The following ZNF385B variants were observed in gnomAD, a reference collection of about 807,000 sequenced individuals.
The protein encoded by ZNF385B is zinc finger protein 533.
In ZNF385B, 23 loss-of-function variants were observed where a neutral mutation model predicts 39.2. The observed-to-expected ratio is 0.59, with a 90% CI of 0.42 to 0.83. The LOEUF (loss-of-function observed/expected upper bound fraction) is 0.83. ZNF385B is among the 40% of genes least tolerant of loss of function. The pLI, the probability that ZNF385B is intolerant of heterozygous loss-of-function variation, is 0.00. For synonymous variants in ZNF385B, 205 were observed against 222.6 expected, an observed-to-expected ratio of 0.92 and a Z score of 0.70; for missense variants, 552 against 598.9, an observed-to-expected ratio of 0.92 and a Z score of 0.82.
intron 3 of ZNF385B, among the ~76,000 whole-genome samples, chr2:179,602,604 T>C (rs1286760588): frequency 3.3e-5 from 5 of 152,228 alleles, no homozygotes; most frequent in Non-Finnish European, 5.9e-5. Context: ...GGTTTGTTTT[T>C]CTATTAGCTC....
At chr2:179,621,098 G>A (rs913053592) in intron 3 of ZNF385B, among the ~76,000 whole-genome samples, 1 of 151,820 alleles carries the variant, frequency 6.6e-6, no homozygotes, top group Non-Finnish European at 1.5e-5. Flanking sequence ...AATATATCAG[G>A]GTCTACACTG....
chr2:179,473,781 G>A (rs1413868502), intron 6 of ZNF385B, among the ~76,000 whole-genome samples: 2 of 152,072 alleles, frequency 1.3e-5, no homozygotes, highest in African/African-American at 2.4e-5. Flanking sequence ...TGCGGTGTTT[G>A]GTTTTCTGTT....
intron 1 of ZNF385B, among the ~76,000 whole-genome samples, chr2:179,836,203 T>G (rs1002643351): frequency 6.6e-6 from 1 of 152,178 alleles, no homozygotes; most frequent in African/African-American, 2.4e-5. Context: ...AGTGAGAAAT[T>G]ATCATGTTTA....
chr2:179,634,599 TTGG>T (rs1691559922), intron 3 of ZNF385B, among the ~76,000 whole-genome samples: 2 of 152,300 alleles, frequency 1.3e-5, no homozygotes, highest in Admixed American at 1.3e-4. Flanking sequence ...TTTTACACTG[TTGG>T]TGGGAGTGTA....
intron 6 of ZNF385B, among the ~76,000 whole-genome samples, chr2:179,448,954 A>C (rs2049796947): frequency 6.6e-6 from 1 of 152,180 alleles, no homozygotes; most frequent in Non-Finnish European, 1.5e-5. Context: ...GGTTATATTG[A>C]GAACATGTAT....
At chr2:179,475,314 G>A (rs1233447589) in intron 6 of ZNF385B, among the ~76,000 whole-genome samples, 5 of 149,480 alleles carry the variant, frequency 3.3e-5, no homozygotes, top group Non-Finnish European at 5.9e-5. Context: ...GCAGTGGTGC[G>A]AACTCGGCTC....
chr2:179,816,255 T>C (rs1453670631), intron 1 of ZNF385B, among the ~76,000 whole-genome samples: 3 of 152,190 alleles, frequency 2.0e-5, no homozygotes, highest in Non-Finnish European at 4.4e-5. Flanking sequence ...GCAAATTCTA[T>C]TTACCCTGTT....
At chr2:179,765,938 G>A (rs1349929687) in intron 3 of ZNF385B, among the ~76,000 whole-genome samples, 2 of 151,742 alleles carry the variant, frequency 1.3e-5, no homozygotes, top group East Asian at 3.9e-4. Flanking sequence ...ACCGCCCAGA[G>A]TATTCATAAA....
Position 179,670,357 on chromosome 2 carries a change from ATGACATTAT to A in ZNF385B, c.298+99137_298+99145del, listed in dbSNP as rs1321034780. Among the ~76,000 whole-genome samples the A allele has an allele frequency of 7.2e-5, 11 of 152,142 alleles. No individual in the cohort carries two copies. In the South Asian group the frequency reaches 1.5e-3, roughly 20 times the overall value. On this transcript the variant is annotated intron_variant, in intron 3 of 9. Coordinates refer to ENST00000410066, the MANE Select transcript of ZNF385B (RefSeq NM_152520.6). ...CCATTGCCAATTGACAGCTAACAGC[ATGACATTAT>A]TGAGTGTGGAATTGGGAGGAGATGT...
intron 3 of ZNF385B, among the ~76,000 whole-genome samples, chr2:179,762,123 T>C (rs1169890744): frequency 1.3e-5 from 2 of 152,172 alleles, no homozygotes; most frequent in African/African-American, 2.4e-5. Context: ...CAAATGTTTT[T>C]ACTGCATTAA....
At chr2:179,546,336 C>A (rs1324758664) in intron 3 of ZNF385B, among the ~76,000 whole-genome samples, 1 of 152,166 alleles carries the variant, frequency 6.6e-6, no homozygotes, top group African/African-American at 2.4e-5. Flanking sequence ...CACACCCAGC[C>A]TCTAACTATA....
chr2:179,686,964 G>GTC (rs1553508233), intron 3 of ZNF385B, among the ~76,000 whole-genome samples: 2 of 142,092 alleles, frequency 1.4e-5, no homozygotes, highest in Non-Finnish European at 3.0e-5. Context: ...AATTTGTACT[G>GTC]TTTTTTTTTT....
chr2:179,584,742 G>A (rs545133329), intron 3 of ZNF385B, among the ~76,000 whole-genome samples: 1 of 152,150 alleles, frequency 6.6e-6, no homozygotes, highest in Non-Finnish European at 1.5e-5. Flanking sequence ...ACAACCAGGT[G>A]TAGATGTCCA....
chr2:179,860,771 C>A, intron 1 of ZNF385B: 2 of 461,520 alleles, frequency 4.3e-6, no homozygotes, highest in Non-Finnish European at 4.5e-6. Flanking sequence ...GCACTCTCCT[C>A]GTCCTTTCCC....
intron 4 of ZNF385B, among the ~76,000 whole-genome samples, chr2:179,541,390 T>A (rs1430216595): frequency 1.3e-5 from 2 of 152,194 alleles, no homozygotes; most frequent in Non-Finnish European, 2.9e-5. Context: ...GCTATGTTTA[T>A]CATATAATGT....
At chr2:179,530,062 G>T (rs1323382882) in intron 4 of ZNF385B, among the ~76,000 whole-genome samples, 1 of 152,102 alleles carries the variant, frequency 6.6e-6, no homozygotes, top group Non-Finnish European at 1.5e-5. Context: ...ATGAGAAATG[G>T]TTATTCCATA....
intron 3 of ZNF385B, among the ~76,000 whole-genome samples, chr2:179,686,377 A>G (rs370330472): frequency 1.3e-5 from 2 of 152,354 alleles, no homozygotes; most frequent in South Asian, 2.1e-4. Context: ...TGCTTGCCAC[A>G]GTGCCTACGA....
In ZNF385B at chr2:179,445,567, C is replaced by T; in HGVS notation, c.1123G>A (p.Glu375Lys). The part of the protein sequence containing the change: ...CEICDVHVNS[E>K]IQLKQHISSR... Reference sequence around the variant, plus strand: ...TACGTTACCTGTTTGAGTTGAATTTCTGAATTAACATGAACATCACAGATT... The same window carrying T: ...TACGTTACCTGTTTGAGTTGAATTTTTGAATTAACATGAACATCACAGATT... Residue 375 changes from glutamate to lysine, a missense_variant, in exon 8 of 10, where the codon GAA becomes AAA. Coordinates refer to ENST00000410066, the MANE Select transcript of ZNF385B (RefSeq NM_152520.6). The T allele has an allele frequency of 6.2e-7, 1 of 1,610,066 alleles. No homozygotes were observed. Among genetic ancestry groups the T allele is most frequent in the Non-Finnish European group, 8.5e-7 (1 of 1,178,702 alleles).
At chr2:179,591,707 A>G (rs1296931695) in intron 3 of ZNF385B, among the ~76,000 whole-genome samples, 2 of 152,112 alleles carry the variant, frequency 1.3e-5, no homozygotes, top group Non-Finnish European at 2.9e-5. Context: ...AGCTAACATT[A>G]GATTCTCTCT....
Sources: gnomAD v4.1 joint callset for allele counts (sites outside exome capture counted in the v4.1 genomes callset) on GRCh38, gnomAD v4.1.1 for gene constraint, MANE v1.5 for transcripts, NCBI Gene and HGNC (gene_info 2026-07-23, HGNC 2026-07-21) for gene names.